Variants in KAT2B observed in about 807,000 individuals in gnomAD.
KAT2B encodes the protein lysine acetyltransferase 2B.
KAT2B carries 36 observed loss-of-function variants against 105.9 expected under a neutral mutation model. The ratio of observed to expected loss-of-function variants is 0.34; its 90% CI spans 0.26 to 0.45. KAT2B has a LOEUF of 0.45. Among genes scored for constraint, KAT2B ranks in the 20% least tolerant of loss-of-function variants. KAT2B has a pLI of 1.00. For synonymous variants in KAT2B, 397 were observed against 377.9 expected, an observed-to-expected ratio of 1.05 and a Z score of -0.59; for missense variants, 820 against 1,021.6, an observed-to-expected ratio of 0.80 and a Z score of 2.69.
rs776072965 is a variant in KAT2B, at chr3:20,119,647, A to G, written c.1200A>G (p.Ser400=). 2.4e-5 allele frequency: 39 copies of G among 1,613,926 alleles called. No individual in the cohort carries two copies. The highest frequency in any genetic ancestry group is 3.1e-5 in the Non-Finnish European group (36 of 1,179,984). ...VAGTISYNST[S]SSLEQPNAGS... is the part of the protein sequence containing the mutation. ...GGACAATTTCATACAATTCAACCTCATCTTCCCTTGAGCAGCCAAACGCAG... is the reference window on the plus strand; with the variant it reads ...GGACAATTTCATACAATTCAACCTCGTCTTCCCTTGAGCAGCCAAACGCAG... The change falls in exon 8 of 18, where the codon TCA becomes TCG. Residue 400 remains serine, a synonymous_variant. Transcript: ENST00000263754.
intron 13 of KAT2B, among the ~76,000 whole-genome samples, chr3:20,144,800 CT>C (rs201923590): frequency 1.5e-3 from 211 of 144,022 alleles, no homozygotes; most frequent in Middle Eastern, 3.8e-3. Context: ...CTTTCTTTTT[CT>C]TTTTTTTTTT....
At chr3:20,049,800 G>A (rs1194586741) in intron 1 of KAT2B, among the ~76,000 whole-genome samples, 2 of 152,182 alleles carry the variant, frequency 1.3e-5, no homozygotes, top group African/African-American at 4.8e-5. Context: ...TGGTCACTGT[G>A]CTGGCCCAAT....
chr3:20,070,132 G>A (rs1698294435), intron 1 of KAT2B, among the ~76,000 whole-genome samples: 6 of 152,058 alleles, frequency 3.9e-5, no homozygotes, highest in Admixed American at 3.9e-4. Context: ...GCTGATGTAG[G>A]TGCTTCTCCT....
At chr3:20,099,672 C>G (rs1378311093) in intron 3 of KAT2B, among the ~76,000 whole-genome samples, 190 bp from the exon 4 acceptor site, 1 of 151,640 alleles carries the variant, frequency 6.6e-6, no homozygotes, top group Non-Finnish European at 1.5e-5. Flanking sequence ...TGATAGTTGC[C>G]CATTTTATTG....
intron 6 of KAT2B, among the ~76,000 whole-genome samples, chr3:20,114,140 G>A (rs966063626): frequency 3.3e-5 from 5 of 151,896 alleles, no homozygotes; most frequent in African/African-American, 1.2e-4. Flanking sequence ...ATAAGCATCT[G>A]TATTTCTAAT....
intron 2 of KAT2B, among the ~76,000 whole-genome samples, chr3:20,089,230 C>T (rs371278706): frequency 2.6e-5 from 4 of 152,024 alleles, no homozygotes; most frequent in Admixed American, 2.6e-4. Flanking sequence ...TAGTTCTGTA[C>T]AGATTTTAAG....
intron 1 of KAT2B, among the ~76,000 whole-genome samples, chr3:20,061,027 A>G (rs1698091168): frequency 6.6e-6 from 1 of 152,196 alleles, no homozygotes; most frequent in Admixed American, 6.6e-5. Context: ...TTAAGTGTCT[A>G]GTTCATTGGT....
chr3:20,111,491 G>GT (rs1265520712), intron 5 of KAT2B, 105 bp from the exon 6 acceptor site: 12 of 948,326 alleles, frequency 1.3e-5, no homozygotes, highest in Non-Finnish European at 1.7e-5. Context: ...TGCAGGCCTA[G>GT]TTTTTTTCTG....
intron 2 of KAT2B, among the ~76,000 whole-genome samples, chr3:20,080,299 A>G (rs1252427139): frequency 6.6e-6 from 1 of 152,064 alleles, no homozygotes; most frequent in African/African-American, 2.4e-5. Context: ...ATGTTCTCCA[A>G]AGGTTCTTTG....
At chr3:20,123,832 T>A (rs1315293161) in intron 9 of KAT2B, among the ~76,000 whole-genome samples, 2 of 152,134 alleles carry the variant, frequency 1.3e-5, no homozygotes, top group Non-Finnish European at 2.9e-5. Flanking sequence ...TTACTAAGGA[T>A]TAGATTCAAG....
At position 20,042,352 on chromosome 3, in the gene KAT2B, G is replaced by C. The variant is rs193296069; in HGVS notation, c.303+1572G>C. Among the ~76,000 whole-genome samples the C allele has an allele frequency of 5.3e-5, 8 of 152,326 alleles. No individual in the cohort carries two copies. In the East Asian group the frequency reaches 1.5e-3, roughly 29 times the overall value. Reference sequence around the variant, plus strand: ...TAAGAAAGGTGCAAGCCCAGGAGTTGATCATGAAGGGCATTAGACGAATGA... The same window carrying C: ...TAAGAAAGGTGCAAGCCCAGGAGTTCATCATGAAGGGCATTAGACGAATGA... On this transcript the variant is annotated intron_variant, in intron 1 of 17. Transcript: ENST00000263754.
chr3:20,047,631 G>A (rs1241674759), intron 1 of KAT2B, among the ~76,000 whole-genome samples: 3 of 126,132 alleles, frequency 2.4e-5, no homozygotes, highest in Non-Finnish European at 1.6e-5. Flanking sequence ...TTTTTGAGAC[G>A]GAGCCTCACT....
chr3:20,151,252 TTTC>T (rs1292103918), intron 17 of KAT2B, among the ~76,000 whole-genome samples: 2 of 152,240 alleles, frequency 1.3e-5, no homozygotes, highest in African/African-American at 4.8e-5. Context: ...CTTTTTTCCA[TTTC>T]TTCTTTGATG....
At chr3:20,109,509 C>T (rs1699082613) in intron 5 of KAT2B, among the ~76,000 whole-genome samples, 2 of 152,002 alleles carry the variant, frequency 1.3e-5, no homozygotes, top group Admixed American at 1.3e-4. Context: ...TAGAGATGGG[C>T]GTCTTACTAT....
intron 1 of KAT2B, among the ~76,000 whole-genome samples, chr3:20,071,112 ATTTAAAC>A (rs1698314444): frequency 6.6e-6 from 1 of 152,184 alleles, no homozygotes; most frequent in Admixed American, 6.5e-5. Context: ...AAAATAATAC[ATTTAAAC>A]ATATAATTTC....
At chr3:20,048,453 T>C (rs986457133) in intron 1 of KAT2B, among the ~76,000 whole-genome samples, 1 of 152,232 alleles carries the variant, frequency 6.6e-6, no homozygotes, top group Non-Finnish European at 1.5e-5. Context: ...TTAAAAATCA[T>C]CTGGCAGATT....
chr3:20,059,374 G>A (rs1194011257), intron 1 of KAT2B, among the ~76,000 whole-genome samples: 2 of 123,590 alleles, frequency 1.6e-5, no homozygotes, highest in African/African-American at 3.2e-5. Context: ...AGATCATCAT[G>A]CCACTGTACT....
At chr3:20,136,384 C>T (rs1414572105) in intron 11 of KAT2B, among the ~76,000 whole-genome samples, 1 of 152,160 alleles carries the variant, frequency 6.6e-6, no homozygotes, top group Non-Finnish European at 1.5e-5. Flanking sequence ...TTCTGGGCTT[C>T]TCAGACCTTA....
intron 1 of KAT2B, among the ~76,000 whole-genome samples, chr3:20,041,923 C>T (rs1174089925): frequency 1.3e-5 from 2 of 152,218 alleles, no homozygotes; most frequent in Admixed American, 1.3e-4. Context: ...GCAGGAGCTT[C>T]TCAGTCACAA....
Sources: gnomAD v4.1 joint callset for allele counts (sites outside exome capture counted in the v4.1 genomes callset) on GRCh38, gnomAD v4.1.1 for gene constraint, MANE v1.5 for transcripts, NCBI Gene and HGNC (gene_info 2026-07-23, HGNC 2026-07-21) for gene names.